The following CIAPIN1 variants were observed in gnomAD, a reference collection of about 807,000 sequenced individuals.
The protein encoded by CIAPIN1 is anamorsin.
Under a neutral mutation model 34.3 loss-of-function variants are expected in CIAPIN1, and 18 were observed. The ratio of observed to expected loss-of-function variants is 0.52; its 90% CI spans 0.36 to 0.78. The LOEUF (loss-of-function observed/expected upper bound fraction) is 0.78. CIAPIN1 is among the 30% of genes least tolerant of loss of function. CIAPIN1 has a pLI of 0.00. For missense variants in CIAPIN1, 310 were observed against 372.5 expected (o/e 0.83, Z 1.38); for synonymous variants, 131 against 140.4 (o/e 0.93, Z 0.47).
chr16:57,439,738 T>G (rs1479084474), intron 2 of CIAPIN1, among the ~76,000 whole-genome samples: 1 of 152,250 alleles, frequency 6.6e-6, no homozygotes, highest in Non-Finnish European at 1.5e-5. Context: ...CATTTATCAC[T>G]TCCTCAGTCA....
chr16:57,440,062 G>C (rs190106693), intron 2 of CIAPIN1, among the ~76,000 whole-genome samples: 2 of 152,288 alleles, frequency 1.3e-5, no homozygotes, highest in East Asian at 3.9e-4. Flanking sequence ...TCTCAGCAAG[G>C]AACAGCCCTG....
Position 57,430,567 on chromosome 16 carries a change from T to C in CIAPIN1, c.747-228A>G, listed in dbSNP as rs569397127. 12 of 455,262 alleles carry C rather than the reference T, an allele frequency of 2.6e-5. No individual in the cohort carries two copies. The East Asian group carries it at 3.2e-4, about 12-fold the overall frequency. 28.2% of individuals were successfully genotyped at this position (455,262 alleles called of 1,614,324 possible). A position where few individuals can be genotyped will look rare whatever the true frequency, so the allele number is the denominator to read the frequency against. ...TGCTCTGTCTACAGAGGGCAGCCAC[T>C]ACTCAAGCTTCAGCTGGTTATCATG... is the stretch of plus-strand genomic sequence containing the variant. On this transcript the variant is annotated intron_variant, in intron 7 of 8. Coordinates refer to ENST00000394391, the MANE Select transcript of CIAPIN1 (RefSeq NM_020313.4).
chr16:57,444,536 G>A (rs764402597), intron 1 of CIAPIN1, among the ~76,000 whole-genome samples: 28 of 152,334 alleles, frequency 1.8e-4, no homozygotes, highest in Non-Finnish European at 3.2e-4. Flanking sequence ...TAAGAGCTGC[G>A]CTTTATGATC....
intron 7 of CIAPIN1, 92 bp from the exon 8 acceptor site, chr16:57,430,431 T>C: frequency 1.7e-6 from 2 of 1,165,692 alleles, no homozygotes; most frequent in Non-Finnish European, 2.6e-6. Context: ...AAGCCTTTTC[T>C]CTTCACACCA....
rs954775272 is a variant in CIAPIN1 at position 57,442,857 on chromosome 16, C to T, written c.-55-1874G>A. Among the ~76,000 whole-genome samples the T allele has an allele frequency of 5.5e-4, 83 of 152,138 alleles. 1 individual carries two copies. Among genetic ancestry groups the T allele is most frequent in the Admixed American group, 2.7e-3 (41 of 15,272 alleles). On this transcript the variant is annotated intron_variant, in intron 1 of 8. Coordinates refer to ENST00000394391, the MANE Select transcript of CIAPIN1 (RefSeq NM_020313.4). ...GATGTCAATTGGCCTTCTGGATCCA[C>T]GGCCTCCATAATCTGGCTCTACCTG... is the stretch of plus-strand genomic sequence containing the variant.
chr16:57,436,987 C>A (rs899116670), intron 3 of CIAPIN1, among the ~76,000 whole-genome samples: 1 of 151,978 alleles, frequency 6.6e-6, no homozygotes, highest in African/African-American at 2.4e-5. Context: ...AATAGCCAGG[C>A]GTGGTGGCAC....
intron 4 of CIAPIN1, among the ~76,000 whole-genome samples, chr16:57,435,711 T>C (rs541928644): frequency 1.6e-4 from 24 of 152,154 alleles, no homozygotes; most frequent in Admixed American, 8.5e-4. Flanking sequence ...GGAGAATTGC[T>C]TGAACCCAGG....
chr16:57,433,720 G>A, intron 5 of CIAPIN1: 2 of 341,872 alleles, frequency 5.9e-6, no homozygotes, highest in South Asian at 4.7e-5. Context: ...ACACTGTGAG[G>A]TCTTCTGAGG....
chr16:57,438,184 A>G (rs1453831678), intron 3 of CIAPIN1, among the ~76,000 whole-genome samples: 1 of 152,190 alleles, frequency 6.6e-6, no homozygotes, highest in African/African-American at 2.4e-5. Flanking sequence ...AAATACTTTC[A>G]TTTCTATTAT....
chr16:57,446,132 C>T (rs1407918176), intron 1 of CIAPIN1, among the ~76,000 whole-genome samples: 1 of 152,176 alleles, frequency 6.6e-6, no homozygotes, highest in Non-Finnish European at 1.5e-5. Context: ...AGGCATGAGC[C>T]TGGCCCAGAA....
rs1409341366 is a variant in CIAPIN1, at chr16:57,447,379, T to C, written c.-93A>G. 35 of 920,772 alleles carry C rather than the reference T, an allele frequency of 3.8e-5. No individual in the cohort carries two copies. Among genetic ancestry groups the C allele is most frequent in the African/African-American group, 5.2e-5 (3 of 58,080 alleles). 57.0% of individuals were successfully genotyped at this position (920,772 alleles called of 1,614,324 possible). A position where few individuals can be genotyped will look rare whatever the true frequency, so the allele number is the denominator to read the frequency against. ...CTCGCTCCCGGCTTCTCTCCAGCCG[T>C]CGACTCCACGCCTTGCGCCTCTCGC... is the stretch of plus-strand genomic sequence containing the variant. On this transcript the variant is annotated 5_prime_UTR_variant, in exon 1 of 9. Coordinates refer to ENST00000394391, the MANE Select transcript of CIAPIN1 (RefSeq NM_020313.4).
intron 1 of CIAPIN1, among the ~76,000 whole-genome samples, chr16:57,442,361 T>TA (rs1417426772): frequency 6.6e-6 from 1 of 151,556 alleles, no homozygotes; most frequent in Non-Finnish European, 1.5e-5. Context: ...AATAAATAAA[T>TA]AAAAAATAAA....
intron 1 of CIAPIN1, among the ~76,000 whole-genome samples, chr16:57,446,203 G>A (rs1386171863): frequency 6.6e-6 from 1 of 152,158 alleles, no homozygotes; most frequent in Admixed American, 6.5e-5. Flanking sequence ...TTTGGCGTGT[G>A]TCAGGAATTA....
intron 3 of CIAPIN1, among the ~76,000 whole-genome samples, chr16:57,438,296 T>G (rs1241236977): frequency 6.6e-6 from 1 of 152,114 alleles, no homozygotes; most frequent in Non-Finnish European, 1.5e-5. Context: ...ATCAAAAAAG[T>G]TTTTACTTCA....
At chr16:57,433,534 TGTGTGTGTGCGTGCGCGTGCGTGCACGC>T (rs1301295018) in intron 5 of CIAPIN1, 7 of 173,332 alleles carry the variant, frequency 4.0e-5, no homozygotes, top group South Asian at 1.4e-4. Context: ...TGTGTGTGTG[TGTGTGTGTGCGTGCGCGTGCGTGCACGC>T]GTGTGCTTGT....
At position 57,430,342 on chromosome 16, in the gene CIAPIN1, G is replaced by A; in HGVS notation, c.747-3C>T. The A allele has an allele frequency of 1.9e-6, 3 of 1,614,132 alleles. No homozygotes were observed. The highest frequency in any genetic ancestry group is 2.5e-6 in the Non-Finnish European group (3 of 1,179,958). On this transcript the variant is annotated splice_polypyrimidine_tract_variant and splice_region_variant and intron_variant, in intron 7 of 8. Transcript: ENST00000394391. ...GTTCTTCGGCAAGGCCACAGGTGCT[G>A]CGGGAAAATCAGTAACTAATGAACG... is the stretch of plus-strand genomic sequence containing the variant.
chr16:57,430,597 G>A, intron 7 of CIAPIN1: 1 of 405,058 alleles, frequency 2.5e-6, no homozygotes, highest in East Asian at 3.7e-5. Flanking sequence ...ATCATGCTGG[G>A]GAAAGTGGAC....
chr16:57,432,344 TA>T, intron 6 of CIAPIN1, 142 bp downstream of exon 6: 1 of 611,906 alleles, frequency 1.6e-6, no homozygotes, highest in Non-Finnish European at 2.8e-6. Context: ...AGTTTCCTTC[TA>T]AATCAAAGAT....
intron 6 of CIAPIN1, 110 bp from the exon 7 acceptor site, chr16:57,431,376 TC>T: frequency 1.6e-6 from 1 of 634,430 alleles, no homozygotes; most frequent in Non-Finnish European, 2.8e-6. Context: ...AAAGAAGGTG[TC>T]CACCCTGTCC....
Sources: gnomAD v4.1 joint callset for allele counts (sites outside exome capture counted in the v4.1 genomes callset) on GRCh38, gnomAD v4.1.1 for gene constraint, MANE v1.5 for transcripts, NCBI Gene and HGNC (gene_info 2026-07-23, HGNC 2026-07-21) for gene names.